The following ADAMTS15 variants were observed in gnomAD, a reference collection of about 807,000 sequenced individuals.
The protein encoded by ADAMTS15 is A disintegrin and metalloproteinase with thrombospondin motifs 15.
Under a neutral mutation model 79.1 loss-of-function variants are expected in ADAMTS15, and 35 were observed. The ratio of observed to expected loss-of-function variants is 0.44; its 90% CI spans 0.34 to 0.59. ADAMTS15 has a LOEUF of 0.59. Ranked by LOEUF, ADAMTS15 falls within the 20% of genes least tolerant of loss-of-function variation. ADAMTS15 has a pLI of 0.02. For missense variants in ADAMTS15, 1,324 were observed against 1,318.7 expected, an observed-to-expected ratio of 1.00 and a Z score of -0.06; for synonymous variants, 616 against 567.3, an observed-to-expected ratio of 1.09 and a Z score of -1.22.
chr11:130,473,584 G>A lies in ADAMTS15; in HGVS notation c.2616G>A (p.Gln872=). ...TGGACTGCCGGGGCTCCGCCGGGCA[G>A]CGCACGGTCCCTGCCTGTGATGCAG... ...RAVDCRGSAG[Q]RTVPACDAAH... is the part of the protein sequence containing the mutation. The change falls in exon 8 of 8, where the codon CAG becomes CAA. Residue 872 remains glutamine, a synonymous_variant. Transcript: ENST00000299164. 1 of 1,606,156 alleles carries A rather than the reference G, an allele frequency of 6.2e-7. No individual in the cohort carries two copies. The highest frequency in any genetic ancestry group is 8.5e-7 in the Non-Finnish European group (1 of 1,176,150).
chr11:130,449,496 G>A lies in ADAMTS15; in HGVS notation c.523G>A (p.Gly175Arg), dbSNP rs1287780169. Residue 175 changes from glycine (G) to arginine (R), a missense_variant, in exon 1 of 8, where the codon GGG (glycine) becomes AGG (arginine). Transcript: ENST00000299164. This position sits in a 1 kb window ranked among gnomAD's most constrained non-coding sequence, Gnocchi z 7.8. ...TTCCGGAGACCCCACCTCTCGCTGCGGGGTGGCCTCGGGCTGGAACCCCGC... is the reference window on the plus strand; with the variant it reads ...TTCCGGAGACCCCACCTCTCGCTGCAGGGTGGCCTCGGGCTGGAACCCCGC... ...GPSGDPTSRC[G>R]VASGWNPAIL... 1.3e-6 allele frequency: 2 copies of A among 1,556,608 alleles called. No homozygotes were observed. Among genetic ancestry groups the A allele is most frequent in the Non-Finnish European group, 1.7e-6 (2 of 1,153,704 alleles).
chr11:130,471,279 C>A lies in ADAMTS15; in HGVS notation c.1974C>A (p.Gly658=). ...VCVQGKCIKA[G]CDGNLGSKKR... ...TCCAAGGCAAGTGCATCAAGGCTGG[C>A]TGTGATGGGAACCTGGGCTCCAAGA... The change falls in exon 7 of 8, where the codon GGC becomes GGA. Residue 658 remains glycine, a synonymous_variant. Coordinates refer to ENST00000299164, the MANE Select transcript of ADAMTS15 (RefSeq NM_139055.4). 2.5e-6 allele frequency: 4 copies of A among 1,613,102 alleles called. No individual in the cohort carries two copies. The highest frequency in any genetic ancestry group is 3.4e-6 in the Non-Finnish European group (4 of 1,179,752).
chr11:130,454,302 C>A (rs1400192681), intron 1 of ADAMTS15, among the ~76,000 whole-genome samples: 1 of 152,224 alleles, frequency 6.6e-6, no homozygotes, highest in Non-Finnish European at 1.5e-5. Context: ...TCCCCTCTCA[C>A]AACCCTGAGC....
At chr11:130,461,376 G>T (rs760613472) in intron 1 of ADAMTS15, 113 bp from the exon 2 acceptor site, 71 of 1,475,944 alleles carry the variant, frequency 4.8e-5, no homozygotes, top group Non-Finnish European at 6.5e-5. Flanking sequence ...GGCCTGGTGA[G>T]GTTGGAATGA....
rs950006457 is a variant in ADAMTS15 at position 130,472,111 on chromosome 11, G to T, written c.2078+728G>T. Among the ~76,000 whole-genome samples, 6 of 152,232 alleles carry T rather than the reference G, an allele frequency of 3.9e-5. No homozygotes were observed. Among genetic ancestry groups the T allele is most frequent in the Admixed American group, 3.3e-4 (5 of 15,284 alleles). ...TGCTCCTTGGAAAGCCCTGACCCAC[G>T]TTCTAGAAGAAGAGGGGGTAGGCAG... On this transcript the variant is annotated intron_variant, in intron 7 of 7. Coordinates refer to ENST00000299164, the MANE Select transcript of ADAMTS15 (RefSeq NM_139055.4). The surrounding 1 kb of genome is among the most constrained non-coding windows in gnomAD (Gnocchi z 4.7).
At chr11:130,457,752 A>T (rs980068705) in intron 1 of ADAMTS15, among the ~76,000 whole-genome samples, 1 of 152,122 alleles carries the variant, frequency 6.6e-6, no homozygotes, top group Non-Finnish European at 1.5e-5. Context: ...GAGATTTTTG[A>T]TGCCACAAAG....
In ADAMTS15 at chr11:130,454,990, A is replaced by T. The variant is rs551092746; in HGVS notation, c.957+5060A>T. 5.3e-5 allele frequency among the ~76,000 whole-genome samples: 8 copies of T among 151,742 alleles called. No homozygotes were observed. The South Asian group carries it at 1.5e-3, about 28-fold the overall frequency. ...AACCTTTCCTTGACACCTTGACTCGATCACGTGGCATGATGGAAAGAACAC... is the reference window on the plus strand; with the variant it reads ...AACCTTTCCTTGACACCTTGACTCGTTCACGTGGCATGATGGAAAGAACAC... On this transcript the variant is annotated intron_variant, in intron 1 of 7. Coordinates refer to ENST00000299164, the MANE Select transcript of ADAMTS15 (RefSeq NM_139055.4).
chr11:130,454,418 C>T (rs1938033278), intron 1 of ADAMTS15, among the ~76,000 whole-genome samples: 1 of 152,318 alleles, frequency 6.6e-6, no homozygotes, highest in Non-Finnish European at 1.5e-5. Flanking sequence ...GTGAAACAGA[C>T]GCCAGTTCTT....
chr11:130,472,466 G>A lies in ADAMTS15; in HGVS notation c.2079-581G>A, dbSNP rs1938478365. On this transcript the variant is annotated intron_variant, in intron 7 of 7. Transcript: ENST00000299164. This position sits in a 1 kb window ranked among gnomAD's most constrained non-coding sequence, Gnocchi z 4.7. ...GATGTTCCTTTTACAGCCTGTTGGA[G>A]CTGGAAGGAGCCTTAGAAATCATTT... Among the ~76,000 whole-genome samples the A allele has an allele frequency of 6.6e-6, 1 of 152,224 alleles. No individual in the cohort carries two copies. The highest frequency in any genetic ancestry group is 1.5e-5 in the Non-Finnish European group (1 of 68,036).
At chr11:130,456,529 A>G (rs775974370) in intron 1 of ADAMTS15, among the ~76,000 whole-genome samples, 18 of 152,194 alleles carry the variant, frequency 1.2e-4, no homozygotes, top group Non-Finnish European at 2.5e-4. Context: ...ATCCTTGGGG[A>G]TTACAAACAG....
rs976618246 is a variant in ADAMTS15 at position 130,461,476 on chromosome 11, C to T, written c.958-13C>T. 1.2e-6 allele frequency: 2 copies of T among 1,613,922 alleles called. No homozygotes were observed. Among genetic ancestry groups the T allele is most frequent in the Non-Finnish European group, 1.7e-6 (2 of 1,180,010 alleles). On this transcript the variant is annotated splice_polypyrimidine_tract_variant and intron_variant, in intron 1 of 7. Coordinates refer to ENST00000299164, the MANE Select transcript of ADAMTS15 (RefSeq NM_139055.4). The stretch of plus-strand genomic sequence containing the variant: ...AACTTCGGGCTGGCTTCTGCTTCTC[C>T]CCCACCCGGCAGGACCTGTGTGGAG...
rs912595594 is a variant in ADAMTS15 at position 130,448,885 on chromosome 11, C to T, written c.-89C>T. On this transcript the variant is annotated 5_prime_UTR_variant, in exon 1 of 8. Coordinates refer to ENST00000299164, the MANE Select transcript of ADAMTS15 (RefSeq NM_139055.4). ...GGCTGTCCCGTAGCGTTGGCGGTTC[C>T]AGAGTGCGGGCTGCACGGAGACCGC... The T allele has an allele frequency of 2.4e-5, 25 of 1,045,426 alleles. No homozygotes were observed. The highest frequency in any genetic ancestry group is 6.3e-5 in the Admixed American group (2 of 31,522). The allele number at this position is 1,045,426 out of a possible 1,614,324, so 64.8% of individuals were successfully genotyped here.
At chr11:130,470,884 C>A in intron 5 of ADAMTS15, 36 bp from the exon 6 acceptor site, 1 of 1,596,266 alleles carries the variant, frequency 6.3e-7, no homozygotes, top group South Asian at 1.1e-5. Context: ...CTTGTCCCTT[C>A]CCCTCAACTT....
intron 1 of ADAMTS15, among the ~76,000 whole-genome samples, chr11:130,459,253 G>T (rs945736929): frequency 2.0e-5 from 3 of 152,072 alleles, no homozygotes; most frequent in Admixed American, 1.3e-4. Context: ...CCAGCTACTA[G>T]GGAGGCTGAG....
chr11:130,465,156 C>CCTTTTCAG (rs1938275640), intron 4 of ADAMTS15, among the ~76,000 whole-genome samples: 1 of 152,090 alleles, frequency 6.6e-6, no homozygotes, highest in Non-Finnish European at 1.5e-5. Context: ...CTTTCTTCCT[C>CCTTTTCAG]CTTTTCAGCT....
In ADAMTS15 at chr11:130,473,200, G is replaced by A. The variant is rs544957547; in HGVS notation, c.2232G>A (p.Ser744=). ...TGCTCAACGGGCATTTCGTGGTGTC[G>A]GCGGTGGAGCGGGACCTGGTGGTGA... ...KYLLNGHFVV[S]AVERDLVVKG... The change falls in exon 8 of 8, where the codon TCG becomes TCA. Residue 744 remains serine (S), a synonymous_variant. Transcript: ENST00000299164. The A allele has an allele frequency of 3.3e-5, 53 of 1,614,036 alleles. No individual in the cohort carries two copies. In the East Asian group the frequency reaches 7.1e-4, roughly 22 times the overall value.
chr11:130,460,748 T>C lies in ADAMTS15; in HGVS notation c.958-741T>C, dbSNP rs139823800. 4.4e-3 allele frequency among the ~76,000 whole-genome samples: 666 copies of C among 152,328 alleles called. 8 individuals carry two copies. The highest frequency in any genetic ancestry group is 0.015 in the African/African-American group (621 of 41,582). On this transcript the variant is annotated intron_variant, in intron 1 of 7. Transcript: ENST00000299164. ...GCCTTTCTGCGTCCCCTGGGAATAC[T>C]TCCTGTCAGGGTTTTCTGCTGGAGG... is the stretch of plus-strand genomic sequence containing the variant.
intron 5 of ADAMTS15, among the ~76,000 whole-genome samples, chr11:130,470,180 ATGTGTGTATATATATATATATATATAT>A (rs1938413647): frequency 4.5e-5 from 2 of 44,796 alleles, no homozygotes; most frequent in Non-Finnish European, 8.3e-5. Context: ...ATATATATAT[ATGTGTGTATATATATATATATATATAT>A]ATGTATATAT....
In ADAMTS15 at chr11:130,472,016, A is replaced by G. The variant is rs1314738631; in HGVS notation, c.2078+633A>G. ...CTGAAGGAGTCTTCACGTCTTGGGC[A>G]ATCCCTGGGCATCTAGTCCCAACTT... On this transcript the variant is annotated intron_variant, in intron 7 of 7. Coordinates refer to ENST00000299164, the MANE Select transcript of ADAMTS15 (RefSeq NM_139055.4). This position sits in a 1 kb window ranked among gnomAD's most constrained non-coding sequence, Gnocchi z 4.7. Among the ~76,000 whole-genome samples, 4 of 152,252 alleles carry G rather than the reference A, an allele frequency of 2.6e-5. No homozygotes were observed. The highest frequency in any genetic ancestry group is 1.3e-4 in the Admixed American group (2 of 15,286).
Sources: gnomAD v4.1 joint callset for allele counts (sites outside exome capture counted in the v4.1 genomes callset) on GRCh38, gnomAD v4.1.1 for gene constraint, Gnocchi (gnomAD v3.1) non-coding constraint, MANE v1.5 for transcripts, NCBI Gene and HGNC (gene_info 2026-07-23, HGNC 2026-07-21) for gene names.